The following BAZ2B variants were observed in gnomAD, a reference collection of about 807,000 sequenced individuals.
The protein encoded by BAZ2B is bromodomain adjacent to zinc finger domain 2B.
A neutral mutation model predicts 246.0 loss-of-function variants in BAZ2B; 91 were observed. The ratio of observed to expected loss-of-function variants is 0.37; its 90% CI spans 0.31 to 0.44. The LOEUF is 0.44. Among genes scored for constraint, BAZ2B ranks in the 20% least tolerant of loss-of-function variants. The probability of loss-of-function intolerance (pLI) is 1.00; values close to 1 mark genes in which losing one functional copy is unlikely to be tolerated. For synonymous variants in BAZ2B, 855 were observed against 860.0 expected (o/e 0.99, Z 0.10); for missense variants, 2,332 against 2,533.7 (o/e 0.92, Z 1.71).
chr2:159,601,945 T>C (rs1163869570), intron 1 of BAZ2B, among the ~76,000 whole-genome samples: 2 of 152,196 alleles, frequency 1.3e-5, no homozygotes, highest in South Asian at 2.1e-4. Context: ...GGCAAAATTA[T>C]CTTTGTTTGT....
chr2:159,497,109 A>C (rs1412713753), intron 2 of BAZ2B, among the ~76,000 whole-genome samples: 1 of 152,124 alleles, frequency 6.6e-6, no homozygotes, highest in Non-Finnish European at 1.5e-5. Context: ...CCATAATTCA[A>C]CCTAAATCTC....
the BAZ2B span, among the ~76,000 whole-genome samples, chr2:159,673,139 T>C: frequency 1.3e-5 from 2 of 152,156 alleles, no homozygotes; most frequent in Non-Finnish European, 2.9e-5. Context: ...ATTCCTAATA[T>C]ATAAAGAAGT....
intron 1 of BAZ2B, among the ~76,000 whole-genome samples, chr2:159,603,826 C>T (rs2151775989): frequency 6.6e-6 from 1 of 152,318 alleles, no homozygotes; most frequent in South Asian, 2.1e-4. Flanking sequence ...GGTAATACCA[C>T]AGACACATTT....
At position 159,325,644 on chromosome 2, in the gene BAZ2B, A is replaced by G; in HGVS notation, c.6209+9T>C. The G allele has an allele frequency of 1.3e-6, 2 of 1,579,482 alleles. No homozygotes were observed. Among genetic ancestry groups the G allele is most frequent in the Non-Finnish European group, 1.7e-6 (2 of 1,171,930 alleles). On this transcript the variant is annotated intron_variant, in intron 35 of 36. Transcript: ENST00000392783. ...ATAAATATACAGTGCATGAAAACGG[A>G]AATAATACCTGCAAAGAGCTAGGTC...
chr2:159,460,062 C>T (rs560111099), intron 3 of BAZ2B: 1 of 152,142 alleles, frequency 6.6e-6, no homozygotes, highest in Non-Finnish European at 1.5e-5. Flanking sequence ...TAATACACAT[C>T]TGCAATGCCT....
chr2:159,647,090 T>C, the BAZ2B span, among the ~76,000 whole-genome samples: 2 of 152,178 alleles, frequency 1.3e-5, no homozygotes, highest in African/African-American at 4.8e-5. Context: ...TTCCACATTT[T>C]AGGTATTTGT....
At chr2:159,704,462 C>G in the BAZ2B span, among the ~76,000 whole-genome samples, 1 of 122,046 alleles carries the variant, frequency 8.2e-6, no homozygotes, top group Non-Finnish European at 1.7e-5. Context: ...CTCCCTCCCT[C>G]CCTCTCTATC....
At chr2:159,629,484 C>T in the BAZ2B span, among the ~76,000 whole-genome samples, 1 of 152,160 alleles carries the variant, frequency 6.6e-6, no homozygotes, top group Non-Finnish European at 1.5e-5. Flanking sequence ...ACATGGAATA[C>T]TATGCGGCCA....
chr2:159,455,670 T>C (rs1301589546), intron 3 of BAZ2B, among the ~76,000 whole-genome samples: 1 of 151,300 alleles, frequency 6.6e-6, no homozygotes, highest in Non-Finnish European at 1.5e-5. Flanking sequence ...GCACTGAAGA[T>C]GAGTCAAAAT....
At chr2:159,491,409 C>G (rs916647465) in intron 2 of BAZ2B, among the ~76,000 whole-genome samples, 3 of 152,086 alleles carry the variant, frequency 2.0e-5, no homozygotes, top group Non-Finnish European at 4.4e-5. Context: ...AATTAACTCT[C>G]TAATTGATGA....
chr2:159,349,983 T>G lies in BAZ2B; in HGVS notation c.4588A>C (p.Asn1530His), dbSNP rs556907708. Residue 1530 changes from asparagine to histidine, a missense_variant, in exon 28 of 37, where the codon AAT becomes CAT. Physicochemically the swap from Asn to His is moderately conservative, Grantham distance 68. Transcript: ENST00000392783. ...TTCCCTGGACCACTTGAACCAGTAT[T>G]AAACAGATTATTAGAGTCTGCCTTT... Reference protein sequence around the residue: ...VEKADSNNLFNTGSSGPGKFY... With the variant: ...VEKADSNNLFHTGSSGPGKFY... 8 of 1,614,188 alleles carry G rather than the reference T, an allele frequency of 5.0e-6. No individual in the cohort carries two copies. The South Asian group carries it at 8.8e-5, about 18-fold the overall frequency.
At chr2:159,382,859 A>G in intron 24 of BAZ2B, 57 bp from the exon 25 acceptor site, 1 of 1,570,036 alleles carries the variant, frequency 6.4e-7, no homozygotes, top group Non-Finnish European at 8.6e-7. Context: ...ATATACTTTT[A>G]AAAGAGCAAA....
At chr2:159,660,731 C>A in the BAZ2B span, among the ~76,000 whole-genome samples, 44 of 152,210 alleles carry the variant, frequency 2.9e-4, no homozygotes, top group South Asian at 1.7e-3. Flanking sequence ...TCCTGAGTAG[C>A]TGGGATTAGT....
At chr2:159,445,120 G>T (rs2074041443) in intron 6 of BAZ2B, among the ~76,000 whole-genome samples, 1 of 152,120 alleles carries the variant, frequency 6.6e-6, no homozygotes, top group South Asian at 2.1e-4. Flanking sequence ...GTGGAAGAGG[G>T]AATCCAAAAG....
At chr2:159,602,726 T>G (rs1692451813) in intron 1 of BAZ2B, among the ~76,000 whole-genome samples, 1 of 152,190 alleles carries the variant, frequency 6.6e-6, no homozygotes, top group African/African-American at 2.4e-5. Context: ...CAGAATACCA[T>G]AAAATATTCA....
At chr2:159,445,203 T>C (rs1251930828) in intron 6 of BAZ2B, among the ~76,000 whole-genome samples, 1 of 151,566 alleles carries the variant, frequency 6.6e-6, no homozygotes, top group African/African-American at 2.4e-5. Flanking sequence ...CTGGAACCAA[T>C]GATAAGAGCC....
chr2:159,506,291 C>T (rs755592972), intron 2 of BAZ2B, among the ~76,000 whole-genome samples: 36 of 152,006 alleles, frequency 2.4e-4, no homozygotes, highest in Non-Finnish European at 4.0e-4. Flanking sequence ...ATATCCAGAG[C>T]GAGCCAGGAT....
chr2:159,560,393 T>A (rs2089706024), intron 1 of BAZ2B, among the ~76,000 whole-genome samples: 1 of 152,182 alleles, frequency 6.6e-6, no homozygotes, highest in Non-Finnish European at 1.5e-5. Context: ...ATAAAAAAAT[T>A]ATTTTCAAAA....
At chr2:159,596,863 A>G (rs1313744958) in intron 1 of BAZ2B, among the ~76,000 whole-genome samples, 1 of 152,186 alleles carries the variant, frequency 6.6e-6, no homozygotes, top group Non-Finnish European at 1.5e-5. Flanking sequence ...AATGCCATTA[A>G]TTCATATCTT....
Sources: gnomAD v4.1 joint callset for allele counts (sites outside exome capture counted in the v4.1 genomes callset) on GRCh38, gnomAD v4.1.1 for gene constraint, MANE v1.5 for transcripts, NCBI Gene and HGNC (gene_info 2026-07-23, HGNC 2026-07-21) for gene names.